The following GMCL2 variants were observed in gnomAD, a reference collection of about 807,000 sequenced individuals.
GMCL2 encodes the protein germ cell-less 2, spermatogenesis associated.
A neutral mutation model predicts 36.2 loss-of-function variants in GMCL2; 33 were observed. The observed-to-expected ratio is 0.91, with a 90% CI of 0.69 to 1.22. GMCL2 has a LOEUF of 1.22. Ranked by LOEUF, GMCL2 falls within the 50% of genes most tolerant of loss-of-function variation. The pLI is 0.00. For missense variants in GMCL2, 478 were observed against 514.5 expected, an observed-to-expected ratio of 0.93 and a Z score of 0.69; for synonymous variants, 172 against 184.3, an observed-to-expected ratio of 0.93 and a Z score of 0.54.
In GMCL2 at chr5:178,186,181, C is replaced by G. The variant is rs1458562333; in HGVS notation, c.1119G>C (p.Arg373=). Residue 373 remains arginine, a synonymous_variant, in exon 1 of 1, where the codon CGG becomes CGC. Transcript: ENST00000463439. ...GCCCTACCTCACGGTCTTGTTCTGCCCGCAGCATAGCAAACCACTGCTGTT... is the reference window on the plus strand; with the variant it reads ...GCCCTACCTCACGGTCTTGTTCTGCGCGCAGCATAGCAAACCACTGCTGTT... ...VYKQQWFAML[R]AEQDREVGPQ... 1 of 831,472 alleles carries G rather than the reference C, an allele frequency of 1.2e-6. No homozygotes were observed. Among genetic ancestry groups the G allele is most frequent in the Non-Finnish European group, 2.2e-6 (1 of 465,010 alleles). 51.5% of individuals were successfully genotyped at this position (831,472 alleles called of 1,614,324 possible). A position where few individuals can be genotyped will look rare whatever the true frequency, so the allele number is the denominator to read the frequency against.
Position 178,186,475 on chromosome 5 carries a change from T to C in GMCL2, c.825A>G (p.Val275=). 1 of 1,484,480 alleles carries C rather than the reference T, an allele frequency of 6.7e-7. No homozygotes were observed. The highest frequency in any genetic ancestry group is 9.4e-7 in the Non-Finnish European group (1 of 1,061,644). The allele number at this position is 1,484,480 out of a possible 1,614,324, so 92.0% of individuals were successfully genotyped here. Residue 275 remains valine, a synonymous_variant, in exon 1 of 1, where the codon GTA becomes GTG. Transcript: ENST00000463439. The stretch of plus-strand genomic sequence containing the variant: ...ACATCCACTTTTTTAGAGTGGTGTA[T>C]ACATCCATCTCCACTTGCATCACAA... ...NLFVMQVEMD[V]YTTLKKWMFL...
rs1756676803 is a variant in GMCL2 at position 178,185,176 on chromosome 5, T to C, written c.*543A>G. Among the ~76,000 whole-genome samples the C allele has an allele frequency of 6.6e-6, 1 of 152,188 alleles. No individual in the cohort carries two copies. Among genetic ancestry groups the C allele is most frequent in the African/African-American group, 2.4e-5 (1 of 41,436 alleles). On this transcript the variant is annotated 3_prime_UTR_variant, in exon 1 of 1. Transcript: ENST00000463439. The stretch of plus-strand genomic sequence containing the variant: ...TAGTCTCCAAACCAGGAAGAAAGTA[T>C]TTAATGATTAAAAACAAGTATGAAC...
Position 178,185,556 on chromosome 5 carries a change from C to T in GMCL2, c.*163G>A, listed in dbSNP as rs1756680957. Among the ~76,000 whole-genome samples the T allele has an allele frequency of 6.6e-6, 1 of 152,114 alleles. No individual in the cohort carries two copies. The highest frequency in any genetic ancestry group is 1.9e-4 in the East Asian group (1 of 5,208). ...TTTAAAATGATTTTTTTTGTATATGCATAGAAATGCAATGAGGATAAGAAT... is the reference window on the plus strand; with the variant it reads ...TTTAAAATGATTTTTTTTGTATATGTATAGAAATGCAATGAGGATAAGAAT... On this transcript the variant is annotated 3_prime_UTR_variant, in exon 1 of 1. Coordinates refer to ENST00000463439, the MANE Select transcript of GMCL2 (RefSeq NM_001358008.2).
At position 178,185,585 on chromosome 5, in the gene GMCL2, C is replaced by T; in HGVS notation, c.*134G>A. The stretch of plus-strand genomic sequence containing the variant: ...GAAATGCAATGAGGATAAGAATAGT[C>T]TTCTGTATTGTCCGTACAGTTCATA... On this transcript the variant is annotated 3_prime_UTR_variant, in exon 1 of 1. Transcript: ENST00000463439. 1 of 468,488 alleles carries T rather than the reference C, an allele frequency of 2.1e-6. No homozygotes were observed. Among genetic ancestry groups the T allele is most frequent in the South Asian group, 2.1e-5 (1 of 47,254 alleles). The allele number at this position is 468,488 out of a possible 1,614,324, so 29.0% of individuals were successfully genotyped here. A position where few individuals can be genotyped will look rare whatever the true frequency, so the allele number is the denominator to read the frequency against.
chr5:178,185,876 T>C lies in GMCL2; in HGVS notation c.1424A>G (p.Tyr475Cys), dbSNP rs751727071. ...ATCCTTTTTAAGTATAAGTATTTGA[T>C]AGCCAGTTGTTCTACTACATACTAG... is the stretch of plus-strand genomic sequence containing the variant. Reference protein sequence around the residue: ...GKLVCSRTTGYQILILKKDQE... With the variant: ...GKLVCSRTTGCQILILKKDQE... The change falls in exon 1 of 1, where the codon TAT becomes TGT. Residue 475 changes from tyrosine (Y) to cysteine (C), a missense_variant. Physicochemically the swap from Tyr to Cys is radical, Grantham distance 194 (BLOSUM62 -2). Around this residue, in one of 5 missense-constraint regions of GMCL2, gnomAD observed 135 missense variants for 119.0 expected, o/e 1.13. Coordinates refer to ENST00000463439, the MANE Select transcript of GMCL2 (RefSeq NM_001358008.2). 2.4e-6 allele frequency: 2 copies of C among 825,362 alleles called. No homozygotes were observed. Among genetic ancestry groups the C allele is most frequent in the Non-Finnish European group, 4.3e-6 (2 of 465,324 alleles). The allele number at this position is 825,362 out of a possible 1,614,324, so 51.1% of individuals were successfully genotyped here.
chr5:178,187,340 G>A lies in GMCL2; in HGVS notation c.-41C>T, dbSNP rs762517978. The A allele has an allele frequency of 6.6e-6, 5 of 752,252 alleles. No individual in the cohort carries two copies. The highest frequency in any genetic ancestry group is 1.8e-5 in the South Asian group (1 of 54,812). The allele number at this position is 752,252 out of a possible 1,614,324, so 46.6% of individuals were successfully genotyped here. A position where few individuals can be genotyped will look rare whatever the true frequency, so the allele number is the denominator to read the frequency against. ...AGGACTTCAGGGAGCCCAGAGGAGG[G>A]GGTCTCTGGCCATGGCCCGGCCGCC... On this transcript the variant is annotated 5_prime_UTR_variant, in exon 1 of 1. Transcript: ENST00000463439.
At position 178,185,725 on chromosome 5, in the gene GMCL2, T is replaced by C. The variant is rs764423269; in HGVS notation, c.1575A>G (p.Glu525=). 3.8e-6 allele frequency: 3 copies of C among 789,112 alleles called. No homozygotes were observed. In the African/African-American group the frequency reaches 5.1e-5, roughly 13 times the overall value. The allele number at this position is 789,112 out of a possible 1,614,324, so 48.9% of individuals were successfully genotyped here. The change falls in exon 1 of 1, where the codon GAA becomes GAG. Residue 525 remains glutamate, a synonymous_variant. Transcript: ENST00000463439. ...TTTCCAACTGATGAGATCTTCAGTT[T>C]TCTGGATTTTCTGGGTGACGATTAT... ...IENNRHPENP[E]N
In GMCL2 at chr5:178,186,449, A is replaced by G; in HGVS notation, c.851T>C (p.Phe284Ser). ...DVYTTLKKWMFLQLVPSWNGS... is the reference protein window; with the variant it reads ...DVYTTLKKWMSLQLVPSWNGS... ...ATTCCAAGAAGGCACAAGTTGAAGG[A>G]ACATCCACTTTTTTAGAGTGGTGTA... The change falls in exon 1 of 1, where the codon TTC becomes TCC. Residue 284 changes from phenylalanine (F) to serine (S), a missense_variant. Phe to Ser is a radical substitution (Grantham distance 155). This residue lies in a region of GMCL2 where 175 missense variants were observed against 208.0 expected (regional missense o/e 0.84). Coordinates refer to ENST00000463439, the MANE Select transcript of GMCL2 (RefSeq NM_001358008.2). 1.9e-6 allele frequency: 3 copies of G among 1,604,946 alleles called. No individual in the cohort carries two copies. The highest frequency in any genetic ancestry group is 2.6e-6 in the Non-Finnish European group (3 of 1,171,572).
Position 178,186,755 on chromosome 5 carries a change from A to G in GMCL2, c.545T>C (p.Val182Ala). The G allele has an allele frequency of 3.7e-6, 6 of 1,606,380 alleles. No individual in the cohort carries two copies. The South Asian group carries it at 6.6e-5, about 18-fold the overall frequency. The stretch of plus-strand genomic sequence containing the variant: ...CATACAAGCTGCTGCCAAAATGGCA[A>G]CAACTCGACTGGGTTTTATCAAGAC... ...DDVLIKPSRV[V>A]AILAAACMLQ... Residue 182 changes from valine (V) to alanine (A), a missense_variant, in exon 1 of 1, where the codon GTT (valine) becomes GCT (alanine). Around this residue, in one of 5 missense-constraint regions of GMCL2, gnomAD observed 175 missense variants for 208.0 expected, o/e 0.84. Coordinates refer to ENST00000463439, the MANE Select transcript of GMCL2 (RefSeq NM_001358008.2).
In GMCL2 at chr5:178,186,475, T is replaced by A; in HGVS notation, c.825A>T (p.Val275=). Residue 275 remains valine (V), a synonymous_variant, in exon 1 of 1, where the codon GTA becomes GTT. Transcript: ENST00000463439. ...ACATCCACTTTTTTAGAGTGGTGTA[T>A]ACATCCATCTCCACTTGCATCACAA... The part of the protein sequence containing the change: ...NLFVMQVEMD[V]YTTLKKWMFL... 1 of 1,484,480 alleles carries A rather than the reference T, an allele frequency of 6.7e-7. No individual in the cohort carries two copies. The highest frequency in any genetic ancestry group is 9.4e-7 in the Non-Finnish European group (1 of 1,061,644). 92.0% of individuals were successfully genotyped at this position (1,484,480 alleles called of 1,614,324 possible).
rs1756693605 is a variant in GMCL2 at position 178,186,188 on chromosome 5, ATAG to A, written c.1109_1111del (p.Ala370_Met371delinsVal). On this transcript the variant is annotated inframe_deletion, in exon 1 of 1. Transcript: ENST00000463439. ...CTCACGGTCTTGTTCTGCCCGCAGC[ATAG>A]CAAACCACTGCTGTTTATACACAGA... 2 of 835,030 alleles carry A rather than the reference ATAG, an allele frequency of 2.4e-6. No individual in the cohort carries two copies. Among genetic ancestry groups the A allele is most frequent in the Admixed American group, 3.4e-5 (2 of 58,952 alleles). 51.7% of individuals were successfully genotyped at this position (835,030 alleles called of 1,614,324 possible).
rs751264311 is a variant in GMCL2 at position 178,186,760 on chromosome 5, T to A, written c.540A>T (p.Arg180=). ...AAGCTGCTGCCAAAATGGCAACAAC[T>A]CGACTGGGTTTTATCAAGACATCAT... ...YRDDVLIKPS[R]VVAILAAACM... Residue 180 remains arginine (R), a synonymous_variant, in exon 1 of 1, where the codon CGA becomes CGT. Coordinates refer to ENST00000463439, the MANE Select transcript of GMCL2 (RefSeq NM_001358008.2). 1.2e-6 allele frequency: 2 copies of A among 1,607,744 alleles called. No homozygotes were observed. Among genetic ancestry groups the A allele is most frequent in the South Asian group, 1.1e-5 (1 of 90,964 alleles).
rs1561653612 is a variant in GMCL2, at chr5:178,186,196, C to A, written c.1104G>T (p.Trp368Cys). 1.2e-6 allele frequency: 1 copy of A among 841,250 alleles called. No homozygotes were observed. Among genetic ancestry groups the A allele is most frequent in the South Asian group, 1.3e-5 (1 of 75,682 alleles). The allele number at this position is 841,250 out of a possible 1,614,324, so 52.1% of individuals were successfully genotyped here. ...CTTGTTCTGCCCGCAGCATAGCAAA[C>A]CACTGCTGTTTATACACAGAAGACA... ...EWLSSVYKQQ[W>C]FAMLRAEQDR... The change falls in exon 1 of 1, where the codon TGG becomes TGT. Residue 368 changes from tryptophan to cysteine, a missense_variant. Transcript: ENST00000463439.
Position 178,186,350 on chromosome 5 carries a change from G to C in GMCL2, c.950C>G (p.Ala317Gly). The change falls in exon 1 of 1, where the codon GCC becomes GGC. Residue 317 changes from alanine (A) to glycine (G), a missense_variant. Transcript: ENST00000463439. ...SKQRKDFEGM[A>G]FLETEPGKPF... Reference sequence around the variant, plus strand: ...TTTTCCTGGTTCAGTTTCAAGAAAGGCCATACCTTCAAAATCTTTTCTCTG... The same window carrying C: ...TTTTCCTGGTTCAGTTTCAAGAAAGCCCATACCTTCAAAATCTTTTCTCTG... 6.7e-7 allele frequency: 1 copy of C among 1,503,286 alleles called. No individual in the cohort carries two copies. Among genetic ancestry groups the C allele is most frequent in the Non-Finnish European group, 9.3e-7 (1 of 1,079,024 alleles). The allele number at this position is 1,503,286 out of a possible 1,614,324, so 93.1% of individuals were successfully genotyped here.
Position 178,186,892 on chromosome 5 carries a change from G to C in GMCL2, c.408C>G (p.Phe136Leu), listed in dbSNP as rs1756710268. ...LCQSGYFSSMFSGSWKESSMN... is the reference protein window; with the variant it reads ...LCQSGYFSSMLSGSWKESSMN... ...TGCTGGATTCTTTCCAAGAACCACT[G>C]AACATACTAGAAAAGTAGCCAGATT... Residue 136 changes from phenylalanine (F) to leucine (L), a missense_variant, in exon 1 of 1, where the codon TTC becomes TTG. By Grantham distance (22) the Phe-to-Leu change is conservative (BLOSUM62 0). Transcript: ENST00000463439. The C allele has an allele frequency of 6.2e-7, 1 of 1,607,140 alleles. No homozygotes were observed. The highest frequency in any genetic ancestry group is 1.3e-5 in the African/African-American group (1 of 74,812).
chr5:178,185,992 C>CGTTTGAAA, the GMCL2 span: 6 of 767,300 alleles, frequency 7.8e-6, no homozygotes, highest in Non-Finnish European at 1.5e-5. Flanking sequence ...GTGGCTGATT[C>CGTTTGAAA]AGTGTATTGC....
chr5:178,186,884 G>A lies in GMCL2; in HGVS notation c.416C>T (p.Ser139Phe), dbSNP rs781097846. 1 of 1,609,188 alleles carries A rather than the reference G, an allele frequency of 6.2e-7. No individual in the cohort carries two copies. ...SGYFSSMFSG[S>F]WKESSMNIIE... ...AATATTCATGCTGGATTCTTTCCAA[G>A]AACCACTGAACATACTAGAAAAGTA... The change falls in exon 1 of 1, where the codon TCT (serine) becomes TTT (phenylalanine). Residue 139 changes from serine (S) to phenylalanine (F), a missense_variant. Transcript: ENST00000463439.
rs927924484 is a variant in GMCL2 at position 178,186,659 on chromosome 5, C to A, written c.641G>T (p.Cys214Phe). 3 of 1,181,274 alleles carry A rather than the reference C, an allele frequency of 2.5e-6. No individual in the cohort carries two copies. The highest frequency in any genetic ancestry group is 3.8e-6 in the Non-Finnish European group (3 of 784,786). The allele number at this position is 1,181,274 out of a possible 1,614,324, so 73.2% of individuals were successfully genotyped here. A position where few individuals can be genotyped will look rare whatever the true frequency, so the allele number is the denominator to read the frequency against. The change falls in exon 1 of 1, where the codon TGC becomes TTC. Residue 214 changes from cysteine (C) to phenylalanine (F), a missense_variant. This residue lies in a region of GMCL2 where 175 missense variants were observed against 208.0 expected (regional missense o/e 0.84). Coordinates refer to ENST00000463439, the MANE Select transcript of GMCL2 (RefSeq NM_001358008.2). Reference protein sequence around the residue: ...MKETINVKTVCGYYTSVEIYG... With the variant: ...MKETINVKTVFGYYTSVEIYG... ...GATCTCTACTGATGTGTAATAACCG[C>A]ATACAGTTTTCACATTAATTGTTTC...
At position 178,185,867 on chromosome 5, in the gene GMCL2, A is replaced by T; in HGVS notation, c.1433T>A (p.Leu478His). 1.2e-6 allele frequency: 1 copy of T among 841,446 alleles called. No individual in the cohort carries two copies. The highest frequency in any genetic ancestry group is 2.1e-6 in the Non-Finnish European group (1 of 479,882). The allele number at this position is 841,446 out of a possible 1,614,324, so 52.1% of individuals were successfully genotyped here. The change falls in exon 1 of 1, where the codon CTT becomes CAT. Residue 478 changes from leucine (L) to histidine (H), a missense_variant. This residue lies in a region of GMCL2 where 135 missense variants were observed against 119.0 expected (regional missense o/e 1.13). Transcript: ENST00000463439. ...TTGTTCCTGATCCTTTTTAAGTATA[A>T]GTATTTGATAGCCAGTTGTTCTACT... ...VCSRTTGYQI[L>H]ILKKDQEQVV...
Sources: allele counts gnomAD v4.1 joint callset (sites outside exome capture counted in the v4.1 genomes callset), GRCh38; gene constraint gnomAD v4.1.1; regional missense constraint gnomAD v4.1.1; transcripts MANE v1.5; gene names NCBI Gene and HGNC (gene_info 2026-07-23, HGNC 2026-07-21).